Variants in ITGB3 observed in about 807,000 individuals in gnomAD.
ITGB3 encodes the protein integrin subunit beta 3.
In ITGB3, 48 loss-of-function variants were observed where a neutral mutation model predicts 85.8. That is an observed-to-expected ratio of 0.56 (90% CI 0.44 to 0.71). The LOEUF is 0.71. Among genes scored for constraint, ITGB3 ranks in the 30% least tolerant of loss-of-function variants. The pLI is 0.00. For synonymous variants in ITGB3, 363 were observed against 395.6 expected (o/e 0.92, Z 0.98); for missense variants, 861 against 1,019.1 (o/e 0.84, Z 2.11).
chr17:47,253,936 A>T lies in ITGB3; in HGVS notation c.75A>T (p.Val25=). The T allele has an allele frequency of 1.4e-6, 2 of 1,417,850 alleles. No homozygotes were observed. Among genetic ancestry groups the T allele is most frequent in the African/African-American group, 3.0e-5 (2 of 67,704 alleles). 87.8% of individuals were successfully genotyped at this position (1,417,850 alleles called of 1,614,324 possible). A position where few individuals can be genotyped will look rare whatever the true frequency, so the allele number is the denominator to read the frequency against. The change falls in exon 1 of 15, where the codon GTA becomes GTT. Residue 25 remains valine (V), a synonymous_variant. Transcript: ENST00000559488. ...LALGALAGVG[V]GGPNICTTRG... ...TGGGGGCGCTGGCGGGCGTTGGCGT[A>T]GGAGGTGAGTGAGGCTCCGGCTCGG...
intron 14 of ITGB3, among the ~76,000 whole-genome samples, chr17:47,307,976 G>A (rs920215117): frequency 2.0e-5 from 3 of 151,878 alleles, no homozygotes; most frequent in Admixed American, 2.0e-4. Context: ...GACCAGCCTG[G>A]GCAACATGGT....
At chr17:47,256,049 C>T (rs1244517628) in intron 1 of ITGB3, among the ~76,000 whole-genome samples, 1 of 152,154 alleles carries the variant, frequency 6.6e-6, no homozygotes, top group Non-Finnish European at 1.5e-5. Context: ...ATGCTTGCTT[C>T]CATGCACTTA....
chr17:47,289,242 G>T (rs778944583), intron 6 of ITGB3, among the ~76,000 whole-genome samples: 1 of 152,144 alleles, frequency 6.6e-6, no homozygotes, highest in Non-Finnish European at 1.5e-5. Flanking sequence ...GCTTAGTTTT[G>T]ACACCACTGG....
chr17:47,299,653 C>CCTA lies in ITGB3; in HGVS notation c.1913+123_1913+124insCTA. ...GAGCCTTAGGGAGAGGAGTCCACTC[C>CCTA]AGCCAGATGGCTGTCTCTCCTTTTG... On this transcript the variant is annotated intron_variant, in intron 11 of 14. Transcript: ENST00000559488. This position sits in a 1 kb window ranked among gnomAD's most constrained non-coding sequence, Gnocchi z 5.1. The CCTA allele has an allele frequency of 1.1e-6, 1 of 915,772 alleles. No homozygotes were observed. The highest frequency in any genetic ancestry group is 1.7e-6 in the Non-Finnish European group (1 of 576,736). The allele number at this position is 915,772 out of a possible 1,614,324, so 56.7% of individuals were successfully genotyped here.
intron 1 of ITGB3, among the ~76,000 whole-genome samples, chr17:47,259,078 T>A (rs2065000292): frequency 6.6e-6 from 1 of 152,220 alleles, no homozygotes. Context: ...ATTGGATAGA[T>A]GTATTTAGCT....
At chr17:47,265,620 C>T (rs2065022637) in intron 1 of ITGB3, among the ~76,000 whole-genome samples, 1 of 152,184 alleles carries the variant, frequency 6.6e-6, no homozygotes, top group African/African-American at 2.4e-5. Context: ...TTGATCACAT[C>T]TGCAAAGACC....
intron 1 of ITGB3, among the ~76,000 whole-genome samples, chr17:47,269,032 G>A (rs1377173283): frequency 6.6e-6 from 1 of 152,220 alleles, no homozygotes; most frequent in African/African-American, 2.4e-5. Flanking sequence ...CAAGGCTTGG[G>A]GCTTGTATCC....
chr17:47,289,408 C>G (rs2065116673), intron 6 of ITGB3, among the ~76,000 whole-genome samples: 1 of 152,034 alleles, frequency 6.6e-6, no homozygotes, highest in African/African-American at 2.4e-5. Context: ...TCACTGTAAC[C>G]TCCAACTCCT....
intron 2 of ITGB3, among the ~76,000 whole-genome samples, chr17:47,276,563 G>C (rs536172335): frequency 6.6e-6 from 1 of 152,270 alleles, no homozygotes; most frequent in East Asian, 1.9e-4. Flanking sequence ...AGTCCAGTAA[G>C]ATATTCCCTG....
intron 1 of ITGB3, among the ~76,000 whole-genome samples, chr17:47,273,553 G>A (rs3851806): frequency 3.9e-5 from 6 of 152,156 alleles, no homozygotes; most frequent in African/African-American, 1.4e-4. Flanking sequence ...GCTCCTCCTC[G>A]TAGCCTTTGC....
rs768184261 is a variant in ITGB3, at chr17:47,283,503, G to T, written c.315G>T (p.Gln105His). 6.2e-7 allele frequency: 1 copy of T among 1,614,096 alleles called. No individual in the cohort carries two copies. The highest frequency in any genetic ancestry group is 1.3e-5 in the African/African-American group (1 of 74,918). Residue 105 changes from glutamine (Q) to histidine (H), a missense_variant, in exon 3 of 15, where the codon CAG (glutamine) becomes CAT (histidine). Transcript: ENST00000559488. ...LSDKGSGDSS[Q>H]VTQVSPQRIA... ...ACAAGGGCTCTGGAGACAGCTCCCAGGTCACTCAAGTCAGTCCCCAGAGGA... is the reference window on the plus strand; with the variant it reads ...ACAAGGGCTCTGGAGACAGCTCCCATGTCACTCAAGTCAGTCCCCAGAGGA...
intron 1 of ITGB3, among the ~76,000 whole-genome samples, chr17:47,266,151 TC>T (rs2065024327): frequency 6.6e-6 from 1 of 152,116 alleles, no homozygotes; most frequent in Non-Finnish European, 1.5e-5. Flanking sequence ...TCACCCACTG[TC>T]CCCATGGACC....
At chr17:47,263,785 G>A (rs55846810) in intron 1 of ITGB3, among the ~76,000 whole-genome samples, 5,869 of 152,132 alleles carry the variant, frequency 0.039, 195 homozygotes, top group Admixed American at 0.098. Context: ...CACCATGCCC[G>A]GCCTATCCTG....
At chr17:47,283,729 G>C (rs2065092398) in intron 3 of ITGB3, among the ~76,000 whole-genome samples, 180 bp downstream of exon 3, 1 of 152,236 alleles carries the variant, frequency 6.6e-6, no homozygotes, top group South Asian at 2.1e-4. Context: ...TAGGACTTGA[G>C]TCAGAAGATC....
At position 47,274,646 on chromosome 17, in the gene ITGB3, T is replaced by C. The variant is rs1385254278; in HGVS notation, c.165+142T>C. 1.4e-5 allele frequency: 10 copies of C among 736,906 alleles called. 2 individuals are homozygous for C. Among genetic ancestry groups the C allele is most frequent in the Admixed American group, 1.0e-4 (5 of 49,446 alleles). The allele number at this position is 736,906 out of a possible 1,614,324, so 45.6% of individuals were successfully genotyped here. On this transcript the variant is annotated intron_variant, in intron 2 of 14. Transcript: ENST00000559488. ...GCAAAACTTTGATGAATTTTTCCCA[T>C]TGATGCATGGTGAGGAGCTGTCATG...
rs1319602452 is a variant in ITGB3 at position 47,311,954 on chromosome 17, G to C, written c.*1750G>C. 1 of 152,542 alleles carries C rather than the reference G, an allele frequency of 6.6e-6. No homozygotes were observed. Among genetic ancestry groups the C allele is most frequent in the African/African-American group, 2.4e-5 (1 of 41,446 alleles). 9.4% of individuals were successfully genotyped at this position (152,542 alleles called of 1,614,324 possible). A position where few individuals can be genotyped will look rare whatever the true frequency, so the allele number is the denominator to read the frequency against. ...CAGCCAGTCTTGAAGGTCTCTTTCA[G>C]TATCAACATTCTAAGATGCTGGGAC... On this transcript the variant is annotated 3_prime_UTR_variant, in exon 15 of 15. Transcript: ENST00000559488.
At chr17:47,285,633 T>C (rs1355306614) in intron 4 of ITGB3, among the ~76,000 whole-genome samples, 1 of 151,838 alleles carries the variant, frequency 6.6e-6, no homozygotes, top group Non-Finnish European at 1.5e-5. Context: ...AAAGAAAAAG[T>C]TTTGAAGTTA....
At chr17:47,274,340 G>T (rs761869412) in intron 1 of ITGB3, 79 bp from the exon 2 acceptor site, 50 of 1,261,292 alleles carry the variant, frequency 4.0e-5, no homozygotes, top group Non-Finnish European at 5.5e-5. Flanking sequence ...TGGACATTGG[G>T]AAAGTTGGGA....
At chr17:47,290,712 T>C (rs1247705065) in intron 8 of ITGB3, among the ~76,000 whole-genome samples, 1 of 152,118 alleles carries the variant, frequency 6.6e-6, no homozygotes, top group Non-Finnish European at 1.5e-5. Context: ...AGGGTGTAGC[T>C]GGTACATTTT....
Sources: allele counts gnomAD v4.1 joint callset (sites outside exome capture counted in the v4.1 genomes callset), GRCh38; gene constraint gnomAD v4.1.1; non-coding constraint Gnocchi (gnomAD v3.1); transcripts MANE v1.5; gene names NCBI Gene and HGNC (gene_info 2026-07-23, HGNC 2026-07-21).